The following FARP2 variants were observed in gnomAD, a reference collection of about 807,000 sequenced individuals.
The protein encoded by FARP2 is FERM, ARH/RhoGEF and pleckstrin domain protein 2.
In FARP2, 111 loss-of-function variants were observed where a neutral mutation model predicts 130.5. The observed-to-expected ratio is 0.85, with a 90% confidence interval of 0.73 to 1.00. The LOEUF is 1.00. FARP2 is among the 50% of genes least tolerant of loss of function. The pLI, the probability that FARP2 is intolerant of heterozygous loss-of-function variation, is 0.00. For missense variants in FARP2, 1,385 were observed against 1,346.3 expected (o/e 1.03, Z -0.45); for synonymous variants, 504 against 516.9 (o/e 0.98, Z 0.34).
intron 10 of FARP2, 122 bp downstream of exon 10, chr2:241,434,443 G>A (rs2063168133): frequency 1.6e-5 from 11 of 698,852 alleles, no homozygotes; most frequent in South Asian, 8.9e-5. Context: ...ACAAAGTGGA[G>A]GTATTGTGAA....
At chr2:241,437,654 A>AT (rs1240929706) in intron 12 of FARP2, among the ~76,000 whole-genome samples, 1 of 136,644 alleles carries the variant, frequency 7.3e-6, no homozygotes, top group African/African-American at 2.6e-5. Context: ...ATATATATTT[A>AT]TTTATTTATT....
At chr2:241,393,272 G>A (rs151224088) in intron 2 of FARP2, among the ~76,000 whole-genome samples, 29 of 152,102 alleles carry the variant, frequency 1.9e-4, no homozygotes, top group African/African-American at 6.3e-4. Context: ...CACCCGCCTC[G>A]GTCTCCCAAA....
intron 22 of FARP2, among the ~76,000 whole-genome samples, chr2:241,490,816 G>A (rs1343012381): frequency 1.3e-5 from 2 of 152,226 alleles, no homozygotes; most frequent in African/African-American, 4.8e-5. Flanking sequence ...CCTGTTCTAG[G>A]ACCGGGGCCC....
intron 17 of FARP2, chr2:241,466,284 G>A (rs909331978): frequency 4.3e-5 from 42 of 985,434 alleles, no homozygotes; most frequent in Admixed American, 3.1e-4. Flanking sequence ...GGTGAGTCCC[G>A]GAGTAGTGCT....
chr2:241,381,690 ATGGTAGAATTACAG>A (rs1445133702), intron 2 of FARP2, among the ~76,000 whole-genome samples: 1 of 152,222 alleles, frequency 6.6e-6, no homozygotes, highest in Non-Finnish European at 1.5e-5. Flanking sequence ...CAGAGAGCTG[ATGGTAGAATTACAG>A]TGATCTCTGT....
intron 8 of FARP2, among the ~76,000 whole-genome samples, chr2:241,420,008 G>A (rs893982974): frequency 3.3e-5 from 5 of 152,102 alleles, no homozygotes; most frequent in African/African-American, 1.2e-4. Flanking sequence ...AAAATTCATT[G>A]GGTGTAGTGG....
chr2:241,478,697 C>A (rs1051413503), intron 19 of FARP2: 4 of 479,180 alleles, frequency 8.3e-6, no homozygotes, highest in Middle Eastern at 6.6e-4. Flanking sequence ...ATTAATAAAA[C>A]TTGTAAAGGA....
intron 18 of FARP2, among the ~76,000 whole-genome samples, chr2:241,473,875 T>C (rs2064380943): frequency 6.6e-6 from 1 of 152,210 alleles, no homozygotes. Context: ...ATTTTCAGTG[T>C]CATGCAGGTA....
At chr2:241,405,049 G>A (rs1041189754) in intron 4 of FARP2, among the ~76,000 whole-genome samples, 2 of 152,096 alleles carry the variant, frequency 1.3e-5, no homozygotes, top group Non-Finnish European at 2.9e-5. Flanking sequence ...CTTCACATTC[G>A]GAAATAAGAG....
intron 7 of FARP2, 63 bp downstream of exon 7, chr2:241,413,484 C>T (rs1472064537): frequency 5.3e-6 from 6 of 1,132,490 alleles, no homozygotes; most frequent in South Asian, 2.6e-5. Context: ...GAGTGTGTAA[C>T]GAGAAAGGAC....
At chr2:241,445,851 A>G (rs1044366) in intron 13 of FARP2, 1 of 152,276 alleles carries the variant, frequency 6.6e-6, no homozygotes, top group Admixed American at 6.5e-5. Flanking sequence ...GGCAGGGCGC[A>G]TCAGGGGCTG....
intron 18 of FARP2, among the ~76,000 whole-genome samples, chr2:241,470,420 T>C (rs2064276812): frequency 6.6e-6 from 1 of 150,986 alleles, no homozygotes; most frequent in Non-Finnish European, 1.5e-5. Flanking sequence ...CTGATGGGGA[T>C]GCGCTCTGAA....
intron 20 of FARP2, chr2:241,483,976 G>C (rs1359862054): frequency 7.6e-7 from 1 of 1,315,058 alleles, no homozygotes; most frequent in Non-Finnish European, 9.8e-7. Flanking sequence ...AACTGAGTCA[G>C]CACCAGCCAG....
intron 5 of FARP2, among the ~76,000 whole-genome samples, chr2:241,409,038 T>TGATAGATAGATAGATAGATA (rs56030352): frequency 3.9e-4 from 57 of 146,048 alleles, no homozygotes; most frequent in Admixed American, 4.1e-4. Context: ...GATAGATAGA[T>TGATAGATAGATAGATAGATA]GATAGATAGA....
chr2:241,416,001 G>C (rs879677185), intron 7 of FARP2, among the ~76,000 whole-genome samples: 2,592 of 97,016 alleles, frequency 0.027, 64 homozygotes, highest in African/African-American at 0.072. Context: ...GTGTGTGTGT[G>C]TGTGTGTGTG....
intron 2 of FARP2, among the ~76,000 whole-genome samples, chr2:241,383,924 T>G (rs1204596170): frequency 1.3e-5 from 2 of 152,036 alleles, no homozygotes; most frequent in Non-Finnish European, 2.9e-5. Flanking sequence ...GAAGCGTTGT[T>G]GCTATGTCCT....
At chr2:241,414,256 G>C (rs948617058) in intron 7 of FARP2, among the ~76,000 whole-genome samples, 2 of 152,172 alleles carry the variant, frequency 1.3e-5, no homozygotes, top group African/African-American at 4.8e-5. Flanking sequence ...CCTAGAGAAG[G>C]AGTGCTAGCT....
chr2:241,397,682 G>A (rs1322881461), intron 2 of FARP2, among the ~76,000 whole-genome samples: 2 of 151,914 alleles, frequency 1.3e-5, no homozygotes, highest in Admixed American at 6.6e-5. Flanking sequence ...ACTGTCCAGC[G>A]GTAGAATCAG....
At position 241,475,245 on chromosome 2, in the gene FARP2, G is replaced by A. The variant is rs1028450103; in HGVS notation, c.2132-612G>A. On this transcript the variant is annotated intron_variant, in intron 18 of 26. Coordinates refer to ENST00000264042, the MANE Select transcript of FARP2 (RefSeq NM_014808.4). This position sits in a 1 kb window ranked among gnomAD's most constrained non-coding sequence, Gnocchi z 4.4. ...AGAATATGGGCTGGCCAACAGTTTG[G>A]GTTGAACAACCTGAAGGCCTCAGGG... 2.0e-5 allele frequency among the ~76,000 whole-genome samples: 3 copies of A among 152,200 alleles called. 1 individual carries two copies. The highest frequency in any genetic ancestry group is 7.2e-5 in the African/African-American group (3 of 41,436).
Sources: allele counts gnomAD v4.1 joint callset (sites outside exome capture counted in the v4.1 genomes callset), GRCh38; gene constraint gnomAD v4.1.1; non-coding constraint Gnocchi (gnomAD v3.1); transcripts MANE v1.5; gene names NCBI Gene and HGNC (gene_info 2026-07-23, HGNC 2026-07-21).